SRPK2: variants seen among roughly 807,000 people sequenced by gnomAD.
SRPK2 encodes SFRS protein kinase 2.
Under a neutral mutation model 90.8 loss-of-function variants are expected in SRPK2, and 21 were observed. That is an observed-to-expected ratio of 0.23 (90% confidence interval 0.16 to 0.33). The LOEUF (loss-of-function observed/expected upper bound fraction) is 0.33. Among genes scored for constraint, SRPK2 ranks in the 10% least tolerant of loss-of-function variants. SRPK2 has a pLI of 1.00. For missense variants in SRPK2, 620 were observed against 869.0 expected, an observed-to-expected ratio of 0.71 and a Z score of 3.60; for synonymous variants, 288 against 311.1, an observed-to-expected ratio of 0.93 and a Z score of 0.78.
intron 2 of SRPK2, among the ~76,000 whole-genome samples, chr7:105,325,549 G>C (rs1304905992): frequency 1.5e-5 from 1 of 66,680 alleles, no homozygotes; most frequent in African/African-American, 7.1e-5. Flanking sequence ...AGTTTCTCAA[G>C]GCAAAAAAAA....
At chr7:105,322,283 G>A (rs1422539055) in intron 2 of SRPK2, among the ~76,000 whole-genome samples, 2 of 152,126 alleles carry the variant, frequency 1.3e-5, no homozygotes, top group African/African-American at 2.4e-5. Context: ...CGGGCATAGG[G>A]GCATGTGCCT....
chr7:105,339,093 G>T (rs1324592897), intron 2 of SRPK2, among the ~76,000 whole-genome samples: 4 of 152,088 alleles, frequency 2.6e-5, no homozygotes, highest in South Asian at 2.1e-4. Flanking sequence ...ACAAAGTTTT[G>T]AAAGGACAGA....
chr7:105,178,150 C>G (rs1197957244), intron 3 of SRPK2, among the ~76,000 whole-genome samples: 1 of 151,246 alleles, frequency 6.6e-6, no homozygotes, highest in African/African-American at 2.4e-5. Context: ...TCTAAGAAAA[C>G]ACTACTTTCC....
intron 7 of SRPK2, among the ~76,000 whole-genome samples, chr7:105,158,919 C>T (rs1287526025): frequency 6.6e-6 from 1 of 151,340 alleles, no homozygotes; most frequent in Non-Finnish European, 1.5e-5. Flanking sequence ...AATTTCTGCC[C>T]TCACCACATA....
At chr7:105,247,465 A>G (rs892756290) in intron 2 of SRPK2, among the ~76,000 whole-genome samples, 1 of 151,724 alleles carries the variant, frequency 6.6e-6, no homozygotes, top group Non-Finnish European at 1.5e-5. Flanking sequence ...CAAAGTGCCA[A>G]TAATGCCTAC....
At chr7:105,229,058 G>C (rs923951244) in intron 2 of SRPK2, among the ~76,000 whole-genome samples, 2 of 152,054 alleles carry the variant, frequency 1.3e-5, no homozygotes, top group African/African-American at 4.8e-5. Context: ...GTTTTAAAAA[G>C]GCTGGCCCAA....
intron 11 of SRPK2, among the ~76,000 whole-genome samples, chr7:105,139,660 A>T (rs1393681132): frequency 6.6e-6 from 1 of 152,238 alleles, no homozygotes; most frequent in Non-Finnish European, 1.5e-5. Flanking sequence ...GCTCCTTTAC[A>T]TGGATTGTGA....
At chr7:105,281,254 G>A (rs563553767) in intron 2 of SRPK2, among the ~76,000 whole-genome samples, 30 of 151,638 alleles carry the variant, frequency 2.0e-4, no homozygotes, top group Non-Finnish European at 1.6e-4. Flanking sequence ...TGACCATCAC[G>A]CCCAGCTAAT....
At chr7:105,269,015 G>A in intron 2 of SRPK2, 2 of 1,340,946 alleles carry the variant, frequency 1.5e-6, no homozygotes, top group South Asian at 1.8e-5. Flanking sequence ...GGATTCAATG[G>A]TGCTATAAAG....
intron 7 of SRPK2, 161 bp downstream of exon 7, chr7:105,160,346 A>T (rs936114578): frequency 4.7e-6 from 2 of 429,322 alleles, no homozygotes; most frequent in Non-Finnish European, 8.4e-6. Flanking sequence ...ACTTAATAAG[A>T]GTTCAAAATG....
intron 3 of SRPK2, among the ~76,000 whole-genome samples, chr7:105,180,355 G>C (rs1792616024): frequency 6.6e-6 from 1 of 152,178 alleles, no homozygotes; most frequent in Non-Finnish European, 1.5e-5. Flanking sequence ...AGTGGTGCTA[G>C]AATTACTTGC....
At chr7:105,170,855 GA>G (rs1308450730) in intron 3 of SRPK2, among the ~76,000 whole-genome samples, 4 of 36,370 alleles carry the variant, frequency 1.1e-4, no homozygotes, top group African/African-American at 3.1e-4. Context: ...AAGAAAGAAA[GA>G]AAGAAAGAAA....
intron 3 of SRPK2, among the ~76,000 whole-genome samples, chr7:105,193,197 C>T (rs1300815947): frequency 6.6e-6 from 1 of 152,152 alleles, no homozygotes; most frequent in African/African-American, 2.4e-5. Flanking sequence ...GTCCTTGATC[C>T]ATCTTGAGTT....
intron 2 of SRPK2, among the ~76,000 whole-genome samples, chr7:105,272,580 T>G (rs886307958): frequency 6.6e-6 from 1 of 152,138 alleles, no homozygotes; most frequent in South Asian, 2.1e-4. Context: ...TTATCTTCCA[T>G]GCAGCCCTTA....
At chr7:105,364,749 G>C (rs1029403028) in intron 2 of SRPK2, among the ~76,000 whole-genome samples, 2 of 152,058 alleles carry the variant, frequency 1.3e-5, no homozygotes, top group Non-Finnish European at 2.9e-5. Flanking sequence ...CTAAATTAGA[G>C]ACATTGTGTT....
At chr7:105,322,748 TAAA>T (rs35196387) in intron 2 of SRPK2, among the ~76,000 whole-genome samples, 7 of 146,142 alleles carry the variant, frequency 4.8e-5, no homozygotes, top group African/African-American at 1.5e-4. Context: ...TAACCTCAAT[TAAA>T]AAAAAAAAAA....
At chr7:105,301,705 T>C in intron 2 of SRPK2, 1 of 1,611,240 alleles carries the variant, frequency 6.2e-7, no homozygotes. Context: ...TCCAATTCTA[T>C]CTATGAACGC....
At chr7:105,121,321 G>A (rs1395347157) in intron 15 of SRPK2, among the ~76,000 whole-genome samples, 1 of 149,990 alleles carries the variant, frequency 6.7e-6, no homozygotes, top group African/African-American at 2.5e-5. Flanking sequence ...CTCCAGCCTA[G>A]GCAACAGAGT....
At chr7:105,293,751 T>C (rs940113542) in intron 2 of SRPK2, among the ~76,000 whole-genome samples, 2 of 151,874 alleles carry the variant, frequency 1.3e-5, no homozygotes, top group Admixed American at 1.3e-4. Flanking sequence ...GAAAAGGAGG[T>C]GAAACCCTGC....
Sources: allele counts gnomAD v4.1 joint callset (sites outside exome capture counted in the v4.1 genomes callset), GRCh38; gene constraint gnomAD v4.1.1; transcripts MANE v1.5; gene names NCBI Gene and HGNC (gene_info 2026-07-23, HGNC 2026-07-21).